Variants in PLCE1 observed in about 807,000 individuals in gnomAD.
The protein encoded by PLCE1 is 1-phosphatidylinositol 4,5-bisphosphate phosphodiesterase epsilon-1.
A neutral mutation model predicts 242.8 loss-of-function variants in PLCE1; 119 were observed. The observed-to-expected ratio is 0.49, with a 90% CI of 0.42 to 0.57. The LOEUF is 0.57. Among genes scored for constraint, PLCE1 ranks in the 20% least tolerant of loss-of-function variants. The probability of loss-of-function intolerance (pLI) is 0.00; values close to 1 mark genes in which losing one functional copy is unlikely to be tolerated. For missense variants in PLCE1, 2,441 were observed against 2,788.8 expected (o/e 0.88, Z 2.81); for synonymous variants, 945 against 1,017.4 (o/e 0.93, Z 1.35).
In PLCE1 at chr10:94,329,776, CAAAAAAAAAAAAAAAAAAAAAAAAAAA is replaced by C. The variant is rs71031569; in HGVS notation, c.*1842_*1868del. The C allele has an allele frequency of 5.3e-5, 2 of 37,942 alleles. No homozygotes were observed. The highest frequency in any genetic ancestry group is 5.3e-4 in the Admixed American group (1 of 1,894). The allele number at this position is 37,942 out of a possible 1,614,324, so 2.4% of individuals were successfully genotyped here. A position where few individuals can be genotyped will look rare whatever the true frequency, so the allele number is the denominator to read the frequency against. On this transcript the variant is annotated 3_prime_UTR_variant, in exon 33 of 33. Transcript: ENST00000371380. ...CTGGTGACAGAGCGAGACTCCGTCT[CAAAAAAAAAAAAAAAAAAAAAAAAAAA>C]AAAAAAAACACCATACAGCTTTCAT...
intron 2 of PLCE1, among the ~76,000 whole-genome samples, chr10:94,059,641 TC>T: frequency 6.6e-6 from 1 of 152,070 alleles, no homozygotes; most frequent in East Asian, 1.9e-4. Context: ...ACTGAGAAAA[TC>T]ACAGTTGCTT....
At chr10:94,092,439 G>A (rs936976772) in intron 2 of PLCE1, among the ~76,000 whole-genome samples, 6 of 152,152 alleles carry the variant, frequency 3.9e-5, no homozygotes, top group Non-Finnish European at 5.9e-5. Flanking sequence ...ATTATTTACA[G>A]ATACAGTGCA....
At chr10:94,255,482 T>G (rs988341234) in intron 11 of PLCE1, among the ~76,000 whole-genome samples, 2 of 151,606 alleles carry the variant, frequency 1.3e-5, no homozygotes, top group African/African-American at 2.4e-5. Flanking sequence ...TTTTTATCAT[T>G]GCAGAAAGTT....
intron 4 of PLCE1, among the ~76,000 whole-genome samples, chr10:94,171,777 A>T (rs996170537): frequency 6.6e-6 from 1 of 152,020 alleles, no homozygotes; most frequent in Non-Finnish European, 1.5e-5. Flanking sequence ...CCAGAATGCC[A>T]ATCTCCAACC....
chr10:94,313,279 G>T lies in PLCE1; in HGVS notation c.6029G>T (p.Cys2010Phe). Residue 2010 changes from cysteine to phenylalanine, a missense_variant, in exon 28 of 33, where the codon TGT becomes TTT. Cys to Phe is a radical substitution (Grantham distance 205, BLOSUM62 -2). Around this residue, in one of 5 missense-constraint regions of PLCE1, gnomAD observed 1,004 missense variants for 1,322.7 expected, o/e 0.76. Transcript: ENST00000371380. ...SSMFNTEERK[C>F]LQTHRVTVHG... ...ATGTTTAATACAGAAGAAAGAAAAT[G>T]TTTGCAGACTCACAGAGTCACGGTG... is the stretch of plus-strand genomic sequence containing the variant. 1 of 1,614,176 alleles carries T rather than the reference G, an allele frequency of 6.2e-7. No homozygotes were observed. Among genetic ancestry groups the T allele is most frequent in the Non-Finnish European group, 8.5e-7 (1 of 1,180,006 alleles).
At chr10:94,069,837 T>C (rs932534758) in intron 2 of PLCE1, among the ~76,000 whole-genome samples, 1 of 152,164 alleles carries the variant, frequency 6.6e-6, no homozygotes, top group Non-Finnish European at 1.5e-5. Flanking sequence ...GGTCAGGATT[T>C]AAGGAGTGCG....
intron 2 of PLCE1, among the ~76,000 whole-genome samples, chr10:94,067,267 T>C (rs2044224565): frequency 6.6e-6 from 1 of 152,124 alleles, no homozygotes; most frequent in East Asian, 1.9e-4. Context: ...ATATAGAGAT[T>C]TGGGTACCCT....
intron 5 of PLCE1, among the ~76,000 whole-genome samples, chr10:94,229,498 A>G (rs1040478391): frequency 1.3e-5 from 2 of 152,220 alleles, no homozygotes; most frequent in Non-Finnish European, 2.9e-5. Context: ...TACTGATCAC[A>G]TAGGACAGCA....
At chr10:94,177,447 A>T (rs947980117) in intron 4 of PLCE1, among the ~76,000 whole-genome samples, 3 of 152,190 alleles carry the variant, frequency 2.0e-5, no homozygotes, top group Admixed American at 1.3e-4. Flanking sequence ...GCTAGTCAAG[A>T]TTTGTGTTGA....
intron 2 of PLCE1, among the ~76,000 whole-genome samples, chr10:94,115,859 C>G (rs948924191): frequency 1.3e-5 from 2 of 152,218 alleles, no homozygotes; most frequent in Admixed American, 1.3e-4. Flanking sequence ...CTGAACCTCT[C>G]TCTTCTCACT....
intron 3 of PLCE1, among the ~76,000 whole-genome samples, chr10:94,143,396 T>G (rs1231220674): frequency 6.6e-6 from 1 of 152,226 alleles, no homozygotes; most frequent in East Asian, 1.9e-4. Context: ...TAAAGGATTT[T>G]TTTCAATACA....
intron 4 of PLCE1, among the ~76,000 whole-genome samples, chr10:94,189,537 C>G (rs1051121004): frequency 3.9e-5 from 6 of 152,120 alleles, no homozygotes; most frequent in African/African-American, 1.4e-4. Context: ...CCAGCTTGCT[C>G]AAACATATTC....
At chr10:94,208,354 G>A (rs1207361959) in intron 4 of PLCE1, among the ~76,000 whole-genome samples, 1 of 152,160 alleles carries the variant, frequency 6.6e-6, no homozygotes, top group African/African-American at 2.4e-5. Context: ...CCAGGCTGAG[G>A]GCCATCCTAC....
Position 94,234,088 on chromosome 10 carries a change from G to A in PLCE1, c.1990G>A (p.Asp664Asn). 1 of 1,613,952 alleles carries A rather than the reference G, an allele frequency of 6.2e-7. No individual in the cohort carries two copies. The highest frequency in any genetic ancestry group is 8.5e-7 in the Non-Finnish European group (1 of 1,179,878). Reference sequence around the variant, plus strand: ...AGTTTTAAAAATGTGGCAGTTCATGGACCAGTCTGATATTGAGACCATGAG... The same window carrying A: ...AGTTTTAAAAATGTGGCAGTTCATGAACCAGTCTGATATTGAGACCATGAG... The part of the protein sequence containing the change: ...RKVLKMWQFM[D>N]QSDIETMRSL... Residue 664 changes from aspartate to asparagine, a missense_variant, in exon 6 of 33, where the codon GAC becomes AAC. By Grantham distance (23) the Asp-to-Asn change is conservative. Transcript: ENST00000371380.
intron 2 of PLCE1, among the ~76,000 whole-genome samples, chr10:94,115,419 C>G (rs968400382): frequency 3.9e-5 from 6 of 152,326 alleles, no homozygotes; most frequent in Non-Finnish European, 8.8e-5. Context: ...CACATCCTCT[C>G]CAGCACCTGT....
intron 7 of PLCE1, among the ~76,000 whole-genome samples, chr10:94,240,744 C>T (rs1342070732): frequency 6.6e-6 from 1 of 152,106 alleles, no homozygotes; most frequent in Non-Finnish European, 1.5e-5. Flanking sequence ...TATCTGTCTA[C>T]GGTTTCTAAC....
intron 28 of PLCE1, chr10:94,315,391 C>T (rs934940626): frequency 2.6e-5 from 12 of 455,854 alleles, no homozygotes; most frequent in African/African-American, 6.0e-5. Flanking sequence ...CTACTTCTCA[C>T]GGGAAGGCAA....
At chr10:94,280,537 G>A (rs1426347261) in intron 20 of PLCE1, 1 of 152,838 alleles carries the variant, frequency 6.5e-6, no homozygotes, top group African/African-American at 2.4e-5. Flanking sequence ...TAGGTTTTCA[G>A]TGTGTTTCAT....
intron 7 of PLCE1, among the ~76,000 whole-genome samples, 158 bp downstream of exon 7, chr10:94,236,278 C>A (rs1256791420): frequency 6.6e-6 from 1 of 152,098 alleles, no homozygotes; most frequent in African/African-American, 2.4e-5. Context: ...CTTACCAATT[C>A]CAAATTCACA....
Sources: gnomAD v4.1 joint callset for allele counts (sites outside exome capture counted in the v4.1 genomes callset) on GRCh38, gnomAD v4.1.1 for gene constraint, gnomAD v4.1.1 regional missense constraint, MANE v1.5 for transcripts, NCBI Gene and HGNC (gene_info 2026-07-23, HGNC 2026-07-21) for gene names.